The following REEP1 variants were observed in gnomAD, a reference collection of about 807,000 sequenced individuals.
REEP1 encodes receptor accessory protein 1, also known as receptor expression-enhancing protein 1.
A neutral mutation model predicts 40.3 loss-of-function variants in REEP1; 22 were observed. The observed-to-expected ratio is 0.55, with a 90% CI of 0.39 to 0.78. The LOEUF is 0.78. REEP1 is among the 30% of genes least tolerant of loss of function. REEP1 has a pLI of 0.00. For missense variants in REEP1, 280 were observed against 361.1 expected (o/e 0.78, Z 1.82); for synonymous variants, 116 against 139.2 (o/e 0.83, Z 1.17).
At chr2:86,221,958 A>T (rs1386389006) in intron 7 of REEP1, among the ~76,000 whole-genome samples, 2 of 152,120 alleles carry the variant, frequency 1.3e-5, no homozygotes, top group African/African-American at 4.8e-5. Flanking sequence ...ACTCCATGAC[A>T]TGGAAGTGGG....
At chr2:86,283,278 G>A (rs921157950) in intron 1 of REEP1, among the ~76,000 whole-genome samples, 1 of 152,154 alleles carries the variant, frequency 6.6e-6, no homozygotes, top group Non-Finnish European at 1.5e-5. Context: ...GCCCTCAACA[G>A]GTATTTTTAA....
At chr2:86,298,306 G>C (rs1453232084) in intron 1 of REEP1, among the ~76,000 whole-genome samples, 1 of 152,212 alleles carries the variant, frequency 6.6e-6, no homozygotes, top group East Asian at 1.9e-4. Context: ...ACAGGGATGG[G>C]CTCCCAACTG....
chr2:86,311,764 G>A (rs544485584), intron 1 of REEP1, among the ~76,000 whole-genome samples: 2 of 152,130 alleles, frequency 1.3e-5, no homozygotes, highest in Non-Finnish European at 1.5e-5. Flanking sequence ...ATGAATTTTG[G>A]AGAGACATTA....
At chr2:86,316,900 G>A (rs988515785) in intron 1 of REEP1, among the ~76,000 whole-genome samples, 4 of 152,134 alleles carry the variant, frequency 2.6e-5, no homozygotes, top group South Asian at 4.2e-4. Context: ...CCATGGTTTC[G>A]GGCAGTATCA....
In REEP1 at chr2:86,217,033, TCTCA is replaced by T. The variant is rs1316902520; in HGVS notation, c.*2_*5del. The T allele has an allele frequency of 1.2e-6, 2 of 1,612,772 alleles. No homozygotes were observed. The highest frequency in any genetic ancestry group is 1.3e-5 in the African/African-American group (1 of 74,900). On this transcript the variant is annotated 3_prime_UTR_variant, in exon 9 of 9. Coordinates refer to ENST00000538924, the MANE Select transcript of REEP1 (RefSeq NM_001371279.1). ...CTGTGGATCCGGTGCTGTTGGCTCA[TCTCA>T]CTCACGTGGTTTCGGTGGCCGAGGA...
At chr2:86,231,003 T>C (rs190574898) in intron 6 of REEP1, among the ~76,000 whole-genome samples, 6 of 152,328 alleles carry the variant, frequency 3.9e-5, no homozygotes, top group African/African-American at 1.2e-4. Flanking sequence ...TGGGGCAGTG[T>C]CCGGCAGATC....
rs193162864 is a variant in REEP1 at position 86,237,619 on chromosome 2, T to C, written c.418-4817A>G. ...CTCACTGCAACCTCTGCCTCCCAGG[T>C]TCAAAAGATTCTTCTGTCTCAGACT... is the stretch of plus-strand genomic sequence containing the variant. On this transcript the variant is annotated intron_variant, in intron 5 of 8. Coordinates refer to ENST00000538924, the MANE Select transcript of REEP1 (RefSeq NM_001371279.1). Among the ~76,000 whole-genome samples, 554 of 152,262 alleles carry C rather than the reference T, an allele frequency of 3.6e-3. 2 individuals are homozygous for C. Among genetic ancestry groups the C allele is most frequent in the Non-Finnish European group, 5.0e-3 (337 of 68,014 alleles).
chr2:86,216,398 A>G lies in REEP1; in HGVS notation c.*641T>C, dbSNP rs1674114276. 6.6e-6 allele frequency: 1 copy of G among 152,304 alleles called. No homozygotes were observed. Among genetic ancestry groups the G allele is most frequent in the Admixed American group, 6.5e-5 (1 of 15,288 alleles). The allele number at this position is 152,304 out of a possible 1,614,324, so 9.4% of individuals were successfully genotyped here. A position where few individuals can be genotyped will look rare whatever the true frequency, so the allele number is the denominator to read the frequency against. On this transcript the variant is annotated 3_prime_UTR_variant, in exon 9 of 9. Coordinates refer to ENST00000538924, the MANE Select transcript of REEP1 (RefSeq NM_001371279.1). ...GGTCTTTTGACTAAACAACTATCTA[A>G]AGAATATAGACCACACTCCTGCAGG...
chr2:86,302,741 C>A, intron 1 of REEP1, among the ~76,000 whole-genome samples: 1 of 152,162 alleles, frequency 6.6e-6, no homozygotes, highest in East Asian at 1.9e-4. Flanking sequence ...TACACAGTAA[C>A]TTCAATCATA....
intron 3 of REEP1, among the ~76,000 whole-genome samples, chr2:86,262,497 TCTA>T (rs1676921843): frequency 6.6e-6 from 1 of 152,248 alleles, no homozygotes; most frequent in South Asian, 2.1e-4. Flanking sequence ...GGCTGGGACA[TCTA>T]CTTCTCTCAG....
At chr2:86,317,680 A>G (rs1215873678) in intron 1 of REEP1, among the ~76,000 whole-genome samples, 1 of 152,230 alleles carries the variant, frequency 6.6e-6, no homozygotes, top group Non-Finnish European at 1.5e-5. Flanking sequence ...ATCCTGTTCC[A>G]TTTAAGAATG....
At position 86,214,138 on chromosome 2, in the gene REEP1, A is replaced by G. The variant is rs1178124163; in HGVS notation, c.*2901T>C. On this transcript the variant is annotated 3_prime_UTR_variant, in exon 9 of 9. Transcript: ENST00000538924. ...ATACTATTTTATTACAGATCATTCTATAGGGACTACAGACATGAACTAGAG... is the reference window on the plus strand; with the variant it reads ...ATACTATTTTATTACAGATCATTCTGTAGGGACTACAGACATGAACTAGAG... 6.4e-6 allele frequency: 1 copy of G among 156,754 alleles called. No individual in the cohort carries two copies. The highest frequency in any genetic ancestry group is 2.4e-5 in the African/African-American group (1 of 41,496). The allele number at this position is 156,754 out of a possible 1,614,324, so 9.7% of individuals were successfully genotyped here. A position where few individuals can be genotyped will look rare whatever the true frequency, so the allele number is the denominator to read the frequency against.
At chr2:86,246,373 A>G (rs146498925) in intron 5 of REEP1, among the ~76,000 whole-genome samples, 35 of 152,374 alleles carry the variant, frequency 2.3e-4, no homozygotes, top group Non-Finnish European at 4.6e-4. Flanking sequence ...ACAAACTGCA[A>G]GAGAAGAATC....
intron 1 of REEP1, among the ~76,000 whole-genome samples, chr2:86,328,316 T>G (rs555453733): frequency 9.8e-5 from 15 of 152,336 alleles, no homozygotes; most frequent in Non-Finnish European, 1.9e-4. Context: ...AGGCATAGCT[T>G]TGGCAGTCTA....
chr2:86,335,190 G>A (rs1213840968), intron 1 of REEP1, among the ~76,000 whole-genome samples: 1 of 152,120 alleles, frequency 6.6e-6, no homozygotes, highest in Non-Finnish European at 1.5e-5. Context: ...TCTGTGTGGT[G>A]GAAATGTGGA....
intron 6 of REEP1, among the ~76,000 whole-genome samples, chr2:86,229,192 G>A (rs569819480): frequency 4.6e-5 from 7 of 152,326 alleles, no homozygotes; most frequent in Admixed American, 4.6e-4. Context: ...AAGAAAGCCT[G>A]AGGGAATCAG....
At chr2:86,263,022 T>C (rs1404973928) in intron 3 of REEP1, among the ~76,000 whole-genome samples, 1 of 152,240 alleles carries the variant, frequency 6.6e-6, no homozygotes, top group African/African-American at 2.4e-5. Context: ...CAAAAGGGGA[T>C]GACAAATAAA....
intron 7 of REEP1, among the ~76,000 whole-genome samples, chr2:86,225,333 A>G (rs1674623961): frequency 6.6e-6 from 1 of 152,164 alleles, no homozygotes. Flanking sequence ...GTGCAATGGC[A>G]TGATATCGGC....
Position 86,282,191 on chromosome 2 carries a change from T to A in REEP1, c.84A>T (p.Lys28Asn). The change falls in exon 2 of 9, where the codon AAA (lysine) becomes AAT (asparagine). Residue 28 changes from lysine to asparagine, a missense_variant. Physicochemically the swap from Lys to Asn is moderately conservative, Grantham distance 94. Transcript: ENST00000538924. ...YPAYYSYKAV[K>N]SKDIKEYVKW... is the part of the protein sequence containing the mutation. ...TTACATATTCCTTAATGTCCTTTGA[T>A]TTCACAGCCTTGTAGGAATAATACG... 6.2e-7 allele frequency: 1 copy of A among 1,611,088 alleles called. No homozygotes were observed. The highest frequency in any genetic ancestry group is 8.5e-7 in the Non-Finnish European group (1 of 1,177,304).
Sources: allele counts gnomAD v4.1 joint callset (sites outside exome capture counted in the v4.1 genomes callset), GRCh38; gene constraint gnomAD v4.1.1; transcripts MANE v1.5; gene names NCBI Gene and HGNC (gene_info 2026-07-23, HGNC 2026-07-21).